ROBO1: variants seen among roughly 807,000 people sequenced by gnomAD.
ROBO1 encodes roundabout guidance receptor 1, also known as roundabout homolog 1.
ROBO1 carries 149 observed loss-of-function variants against 195.9 expected under a neutral mutation model. The observed-to-expected ratio is 0.76, with a 90% CI of 0.67 to 0.87. The LOEUF is 0.87. ROBO1 is among the 40% of genes least tolerant of loss of function. The pLI, the probability that ROBO1 is intolerant of heterozygous loss-of-function variation, is 0.00. For synonymous variants in ROBO1, 816 were observed against 733.2 expected, an observed-to-expected ratio of 1.11 and a Z score of -1.82; for missense variants, 1,933 against 2,068.3, an observed-to-expected ratio of 0.93 and a Z score of 1.27.
chr3:79,063,309 T>C (rs2078952249), intron 3 of ROBO1, among the ~76,000 whole-genome samples: 1 of 151,998 alleles, frequency 6.6e-6, no homozygotes, highest in African/African-American at 2.4e-5. Flanking sequence ...CCGGCAATAC[T>C]CTTTCTCATT....
At chr3:78,885,412 T>TAAAAAAAAAAAA (rs59912706) in intron 4 of ROBO1, among the ~76,000 whole-genome samples, 4 of 53,702 alleles carry the variant, frequency 7.4e-5, no homozygotes, top group Non-Finnish European at 1.3e-4. Flanking sequence ...AATTTAAAAC[T>TAAAAAAAAAAAA]AAAAAAAAAA....
chr3:78,984,064 C>T (rs1452711633), intron 3 of ROBO1, among the ~76,000 whole-genome samples: 6 of 152,094 alleles, frequency 3.9e-5, no homozygotes, highest in Non-Finnish European at 8.8e-5. Context: ...TCATTAATAA[C>T]GAAGAATAAT....
rs112318893 is a variant in ROBO1, at chr3:79,040,684, C to T, written c.172+84772G>A. ...TGTTATTAGAGTGTTACTCTATACC[C>T]CTTGTTGTAGACACAAAACACCCTA... On this transcript the variant is annotated intron_variant, in intron 3 of 30. Transcript: ENST00000464233. 2.6e-5 allele frequency among the ~76,000 whole-genome samples: 4 copies of T among 152,154 alleles called. 1 individual carries two copies. The highest frequency in any genetic ancestry group is 9.6e-5 in the African/African-American group (4 of 41,522).
intron 5 of ROBO1, among the ~76,000 whole-genome samples, chr3:78,737,439 G>T (rs2082418001): frequency 6.6e-6 from 1 of 152,078 alleles, no homozygotes; most frequent in Non-Finnish European, 1.5e-5. Flanking sequence ...TTACTAATAG[G>T]TATTAAGTGT....
Position 79,549,523 on chromosome 3 carries a change from T to C in ROBO1, c.88+40301A>G, listed in dbSNP as rs539612083. Among the ~76,000 whole-genome samples, 15 of 152,296 alleles carry C rather than the reference T, an allele frequency of 9.8e-5. No individual in the cohort carries two copies. In the East Asian group the frequency reaches 2.9e-3, roughly 29 times the overall value. On this transcript the variant is annotated intron_variant, in intron 2 of 30. Coordinates refer to ENST00000464233, the MANE Select transcript of ROBO1 (RefSeq NM_002941.4). Reference sequence around the variant, plus strand: ...TTAATAATTGTGCCTGTATTAAACATGTACAGCCTTTTTTTCCCTGTCATT... The same window carrying C: ...TTAATAATTGTGCCTGTATTAAACACGTACAGCCTTTTTTTCCCTGTCATT...
intron 2 of ROBO1, among the ~76,000 whole-genome samples, chr3:79,549,502 T>C (rs1942396029): frequency 6.6e-6 from 1 of 152,162 alleles, no homozygotes; most frequent in Non-Finnish European, 1.5e-5. Context: ...TATTTTTTAA[T>C]AATTGTGCCT....
intron 3 of ROBO1, among the ~76,000 whole-genome samples, chr3:79,004,148 C>T (rs1314940381): frequency 6.6e-6 from 1 of 152,090 alleles, no homozygotes; most frequent in Non-Finnish European, 1.5e-5. Flanking sequence ...TAAATTACTT[C>T]TGAATTTGGT....
chr3:79,197,473 A>G (rs1293905778), intron 2 of ROBO1, among the ~76,000 whole-genome samples: 2 of 152,102 alleles, frequency 1.3e-5, no homozygotes, highest in Non-Finnish European at 1.5e-5. Flanking sequence ...AGACTTTGCC[A>G]TTGTGAACGG....
At chr3:78,675,624 T>C (rs1045827797) in intron 10 of ROBO1, among the ~76,000 whole-genome samples, 5 of 152,090 alleles carry the variant, frequency 3.3e-5, no homozygotes, top group Non-Finnish European at 5.9e-5. Context: ...GAGGGGGGCC[T>C]GCCATTGCCG....
At chr3:79,095,882 T>A (rs1459979524) in intron 3 of ROBO1, among the ~76,000 whole-genome samples, 1 of 151,992 alleles carries the variant, frequency 6.6e-6, no homozygotes, top group Non-Finnish European at 1.5e-5. Context: ...TGTGCCTCAT[T>A]TTTTTAAATA....
rs979618014 is a variant in ROBO1 at position 79,206,844 on chromosome 3, T to C, written c.89-81305A>G. Among the ~76,000 whole-genome samples, 7 of 152,218 alleles carry C rather than the reference T, an allele frequency of 4.6e-5. No individual in the cohort carries two copies. In the East Asian group the frequency reaches 1.3e-3, roughly 29 times the overall value. ...TGAGAAAATAATTTAATTTTAACCA[T>C]GTTATAAAACTATTTTAGAGATAAT... On this transcript the variant is annotated intron_variant, in intron 2 of 30. Transcript: ENST00000464233.
intron 4 of ROBO1, among the ~76,000 whole-genome samples, chr3:78,883,666 A>G (rs1403020624): frequency 2.6e-5 from 4 of 152,200 alleles, no homozygotes; most frequent in African/African-American, 9.6e-5. Flanking sequence ...TGCTAAACAT[A>G]TGATATTTAA....
intron 4 of ROBO1, among the ~76,000 whole-genome samples, chr3:78,936,701 G>T (rs75095127): frequency 6.6e-6 from 1 of 151,908 alleles, no homozygotes; most frequent in Admixed American, 6.6e-5. Flanking sequence ...TAAATACTAC[G>T]TCATATATAA....
chr3:79,417,780 C>A (rs1360729105), intron 2 of ROBO1, among the ~76,000 whole-genome samples: 1 of 152,092 alleles, frequency 6.6e-6, no homozygotes, highest in African/African-American at 2.4e-5. Flanking sequence ...TCTAATCAAT[C>A]CTATAGATTA....
intron 5 of ROBO1, among the ~76,000 whole-genome samples, chr3:78,727,620 G>A (rs557575436): frequency 3.3e-5 from 5 of 152,150 alleles, no homozygotes; most frequent in Non-Finnish European, 5.9e-5. Flanking sequence ...GCGAGACTCC[G>A]TCTCAGAAAA....
chr3:78,852,043 C>A (rs543406911), intron 4 of ROBO1, among the ~76,000 whole-genome samples: 1 of 151,910 alleles, frequency 6.6e-6, no homozygotes, highest in Admixed American at 6.6e-5. Flanking sequence ...ATTTAAGAAA[C>A]ACATTAAATA....
chr3:79,574,123 T>C (rs568335362), intron 2 of ROBO1, among the ~76,000 whole-genome samples: 2 of 152,090 alleles, frequency 1.3e-5, no homozygotes, highest in African/African-American at 4.8e-5. Context: ...CTTATAAGTG[T>C]TGTTGTCATA....
intron 10 of ROBO1, among the ~76,000 whole-genome samples, chr3:78,670,932 A>G (rs1708029841): frequency 6.6e-6 from 1 of 152,168 alleles, no homozygotes; most frequent in African/African-American, 2.4e-5. Context: ...AAGAAATTGG[A>G]AAATTGCCCA....
intron 9 of ROBO1, among the ~76,000 whole-genome samples, chr3:78,688,358 G>A (rs1334331089): frequency 1.3e-5 from 2 of 152,108 alleles, no homozygotes; most frequent in African/African-American, 4.8e-5. Flanking sequence ...ATTAAATAAT[G>A]TTGAGAAAAT....
Sources: gnomAD v4.1 joint callset for allele counts (sites outside exome capture counted in the v4.1 genomes callset) on GRCh38, gnomAD v4.1.1 for gene constraint, MANE v1.5 for transcripts, NCBI Gene and HGNC (gene_info 2026-07-23, HGNC 2026-07-21) for gene names.